CEP112: variants seen among roughly 807,000 people sequenced by gnomAD.
CEP112 encodes the protein centrosomal protein 112.
In CEP112, 127 loss-of-function variants were observed where a neutral mutation model predicts 153.0. That is an observed-to-expected ratio of 0.83 (90% CI 0.72 to 0.96). The LOEUF is 0.96. CEP112 is among the 40% of genes least tolerant of loss of function. The probability of loss-of-function intolerance (pLI) is 0.00; values close to 1 mark genes in which losing one functional copy is unlikely to be tolerated. For synonymous variants in CEP112, 358 were observed against 374.4 expected, an observed-to-expected ratio of 0.96 and a Z score of 0.51; for missense variants, 1,089 against 1,101.2, an observed-to-expected ratio of 0.99 and a Z score of 0.16.
At chr17:65,878,056 T>A (rs1268936163) in intron 20 of CEP112, among the ~76,000 whole-genome samples, 2 of 152,186 alleles carry the variant, frequency 1.3e-5, no homozygotes, top group Non-Finnish European at 2.9e-5. Flanking sequence ...GAAGTGTTGG[T>A]CAAATGATAC....
intron 20 of CEP112, among the ~76,000 whole-genome samples, chr17:65,883,327 G>A (rs189578723): frequency 7.3e-5 from 11 of 150,466 alleles, no homozygotes; most frequent in Middle Eastern, 3.4e-3. Flanking sequence ...TATATACTTC[G>A]TATATATATG....
At chr17:65,896,493 T>G (rs2059663319) in intron 20 of CEP112, among the ~76,000 whole-genome samples, 1 of 152,064 alleles carries the variant, frequency 6.6e-6, no homozygotes, top group Non-Finnish European at 1.5e-5. Flanking sequence ...TTCTGCTAAC[T>G]AAATACTTAA....
At chr17:66,190,617 A>C (rs1436629821) in intron 1 of CEP112, among the ~76,000 whole-genome samples, 1 of 152,216 alleles carries the variant, frequency 6.6e-6, no homozygotes, top group Non-Finnish European at 1.5e-5. Flanking sequence ...TGTCTCAAAA[A>C]AATAAATAAT....
intron 7 of CEP112, 27 bp downstream of exon 7, chr17:66,096,558 A>G (rs1257183653): frequency 6.5e-7 from 1 of 1,527,898 alleles, no homozygotes; most frequent in Non-Finnish European, 9.0e-7. Context: ...CTGCCCCTAG[A>G]AAAAGTCCAA....
intron 24 of CEP112, among the ~76,000 whole-genome samples, chr17:65,685,491 T>C (rs2047734330): frequency 6.6e-6 from 1 of 152,172 alleles, no homozygotes. Flanking sequence ...CCTCAGGGGC[T>C]GTTTCAAACA....
chr17:66,154,285 T>A (rs562313069), intron 4 of CEP112, among the ~76,000 whole-genome samples: 1 of 152,002 alleles, frequency 6.6e-6, no homozygotes, highest in Non-Finnish European at 1.5e-5. Flanking sequence ...AAGGCCGAGA[T>A]GGGCAGATCA....
At chr17:65,661,519 G>A (rs73351269) in intron 24 of CEP112, among the ~76,000 whole-genome samples, 11,487 of 152,128 alleles carry the variant, frequency 0.076, 1,040 homozygotes, top group East Asian at 0.43. Flanking sequence ...TTCCTTACCC[G>A]AGAGCCTCCG....
rs575665814 is a variant in CEP112, at chr17:65,932,405, C to T, written c.1873-4716G>A. 3.9e-5 allele frequency among the ~76,000 whole-genome samples: 6 copies of T among 152,220 alleles called. No homozygotes were observed. In the East Asian group the frequency reaches 1.2e-3, roughly 29 times the overall value. On this transcript the variant is annotated intron_variant, in intron 18 of 26. Transcript: ENST00000535342. ...AAAAAGAAACTAAGAGAGAAAGCTC[C>T]AACAATGAACCCTAAAAATATGAGG...
intron 17 of CEP112, among the ~76,000 whole-genome samples, chr17:65,969,509 C>T (rs1432769978): frequency 6.6e-6 from 1 of 152,086 alleles, no homozygotes; most frequent in African/African-American, 2.4e-5. Flanking sequence ...ACTGTATTTG[C>T]ATTACTTGCA....
chr17:65,913,688 A>G (rs1041598249), intron 19 of CEP112: 2 of 985,430 alleles, frequency 2.0e-6, no homozygotes, highest in Non-Finnish European at 2.4e-6. Context: ...GCCTGCCAGC[A>G]TACACTGCTT....
chr17:66,015,380 TG>T (rs2064724804), intron 16 of CEP112, among the ~76,000 whole-genome samples: 1 of 123,182 alleles, frequency 8.1e-6, no homozygotes, highest in Non-Finnish European at 1.8e-5. Context: ...TTTTCGTTCT[TG>T]AGTATTTTTT....
chr17:66,103,993 A>ACTC (rs1329850201), intron 6 of CEP112, among the ~76,000 whole-genome samples: 3 of 152,094 alleles, frequency 2.0e-5, no homozygotes, highest in Non-Finnish European at 4.4e-5. Context: ...GTTCTAGCGA[A>ACTC]CTCCACCACC....
intron 4 of CEP112, among the ~76,000 whole-genome samples, chr17:66,142,370 T>C (rs1029377616): frequency 3.3e-5 from 5 of 152,228 alleles, no homozygotes; most frequent in African/African-American, 4.8e-5. Context: ...ATCCCATTTG[T>C]CTATCTTTGC....
At chr17:66,086,384 T>C (rs988951238) in intron 8 of CEP112, among the ~76,000 whole-genome samples, 7 of 1,248 alleles carry the variant, frequency 5.6e-3, no homozygotes, top group African/African-American at 0.02. Flanking sequence ...TCTTTTCTTT[T>C]TTTTTTTTTT....
intron 24 of CEP112, among the ~76,000 whole-genome samples, chr17:65,685,339 C>A (rs932349353): frequency 6.6e-6 from 1 of 152,066 alleles, no homozygotes; most frequent in African/African-American, 2.4e-5. Flanking sequence ...AAACCAGAAA[C>A]CATTTAAACA....
intron 17 of CEP112, among the ~76,000 whole-genome samples, chr17:65,964,987 A>T (rs1177721924): frequency 1.3e-5 from 2 of 152,200 alleles, no homozygotes; most frequent in Non-Finnish European, 2.9e-5. Context: ...AAGAAAGATA[A>T]CACATTTTAT....
chr17:65,788,710 A>G (rs545078729), intron 21 of CEP112, among the ~76,000 whole-genome samples: 5 of 152,220 alleles, frequency 3.3e-5, no homozygotes, highest in Non-Finnish European at 4.4e-5. Context: ...TTTTGACTCA[A>G]TCAGCAGTCA....
intron 21 of CEP112, among the ~76,000 whole-genome samples, chr17:65,829,856 T>C (rs774522138): frequency 1.3e-5 from 2 of 152,184 alleles, no homozygotes; most frequent in South Asian, 2.1e-4. Context: ...CAGGAAATGC[T>C]AAGTCACACA....
At chr17:66,038,893 G>A (rs765534163) in intron 12 of CEP112, among the ~76,000 whole-genome samples, 20 of 152,154 alleles carry the variant, frequency 1.3e-4, no homozygotes, top group Non-Finnish European at 1.6e-4. Flanking sequence ...AGTAAGAGGA[G>A]ACAGGGAAGA....
Sources: allele counts gnomAD v4.1 joint callset (sites outside exome capture counted in the v4.1 genomes callset), GRCh38; gene constraint gnomAD v4.1.1; transcripts MANE v1.5; gene names NCBI Gene and HGNC (gene_info 2026-07-23, HGNC 2026-07-21).